LAMA1: variants seen among roughly 807,000 people sequenced by gnomAD.
LAMA1 encodes laminin subunit alpha 1, also known as laminin subunit alpha-1.
Under a neutral mutation model 348.7 loss-of-function variants are expected in LAMA1, and 219 were observed. The ratio of observed to expected loss-of-function variants is 0.63; its 90% CI spans 0.56 to 0.70. LAMA1 has a LOEUF of 0.70. Ranked by LOEUF, LAMA1 falls within the 30% of genes least tolerant of loss-of-function variation. The probability of loss-of-function intolerance (pLI) is 0.00; values close to 1 mark genes in which losing one functional copy is unlikely to be tolerated. For missense variants in LAMA1, 3,744 were observed against 3,888.0 expected (o/e 0.96, Z 0.99); for synonymous variants, 1,487 against 1,491.0 (o/e 1.00, Z 0.06).
At chr18:7,061,915 T>C (rs2058103294) in intron 3 of LAMA1, among the ~76,000 whole-genome samples, 1 of 152,030 alleles carries the variant, frequency 6.6e-6, no homozygotes, top group South Asian at 2.1e-4. Context: ...CACTGTGCCC[T>C]GGGGGAGAGA....
intron 46 of LAMA1, 118 bp downstream of exon 46, chr18:6,974,785 G>A: frequency 1.5e-6 from 2 of 1,316,096 alleles, no homozygotes; most frequent in Non-Finnish European, 2.2e-6. Flanking sequence ...AGTATTGTTT[G>A]GTTATAATCT....
At chr18:7,055,189 G>T (rs964845710) in intron 3 of LAMA1, among the ~76,000 whole-genome samples, 1 of 151,782 alleles carries the variant, frequency 6.6e-6, no homozygotes, top group African/African-American at 2.4e-5. Context: ...GGTGGCTCAT[G>T]CCTGGAATCC....
intron 1 of LAMA1, among the ~76,000 whole-genome samples, chr18:7,086,032 A>G (rs372794593): frequency 1.3e-5 from 2 of 152,210 alleles, no homozygotes; most frequent in Admixed American, 6.5e-5. Flanking sequence ...ATTCAGTAAC[A>G]TATCTATGAT....
rs913924742 is a variant in LAMA1, at chr18:7,021,386, G to A, written c.2701+1778C>T. Among the ~76,000 whole-genome samples, 8 of 152,086 alleles carry A rather than the reference G, an allele frequency of 5.3e-5. No individual in the cohort carries two copies. In the South Asian group the frequency reaches 1.2e-3, roughly 24 times the overall value. On this transcript the variant is annotated intron_variant, in intron 19 of 62. Transcript: ENST00000389658. Reference sequence around the variant, plus strand: ...TGAGTTTAAATTTAAATACTGAAGCGGTTTTGTCAATGTGGATGCCAATAT... The same window carrying A: ...TGAGTTTAAATTTAAATACTGAAGCAGTTTTGTCAATGTGGATGCCAATAT...
chr18:6,968,193 C>T (rs530177487), intron 48 of LAMA1, among the ~76,000 whole-genome samples: 39 of 152,300 alleles, frequency 2.6e-4, no homozygotes, highest in Non-Finnish European at 1.3e-4. Flanking sequence ...CACCATCACC[C>T]GCAGGTTCAA....
At chr18:6,965,520 A>C in intron 49 of LAMA1, 88 bp from the exon 50 acceptor site, 1 of 1,481,394 alleles carries the variant, frequency 6.8e-7, no homozygotes, top group South Asian at 1.1e-5. Context: ...GAAACCTTCT[A>C]AAGTCAAACT....
intron 3 of LAMA1, among the ~76,000 whole-genome samples, chr18:7,056,948 T>A (rs547856511): frequency 1.3e-5 from 2 of 152,084 alleles, no homozygotes; most frequent in South Asian, 4.2e-4. Flanking sequence ...CTTGGCTCAC[T>A]GCAACCTCCG....
At chr18:7,049,801 T>C (rs2058055630) in intron 4 of LAMA1, among the ~76,000 whole-genome samples, 2 of 152,238 alleles carry the variant, frequency 1.3e-5, no homozygotes, top group African/African-American at 4.8e-5. Context: ...GTCTCAGATA[T>C]ACTATATACT....
intron 16 of LAMA1, among the ~76,000 whole-genome samples, chr18:7,028,791 C>A (rs868345300): frequency 2.6e-5 from 4 of 152,146 alleles, no homozygotes; most frequent in African/African-American, 9.7e-5. Context: ...GGGAGGGGTG[C>A]GGAGGTCGGC....
chr18:6,977,634 C>T (rs377316800), intron 44 of LAMA1, 93 bp downstream of exon 44: 16 of 1,454,764 alleles, frequency 1.1e-5, no homozygotes, highest in Admixed American at 1.8e-5. Flanking sequence ...CCCTAAGGGG[C>T]GCAGTGTGAC....
At chr18:7,105,572 A>T (rs1408734320) in intron 1 of LAMA1, among the ~76,000 whole-genome samples, 1 of 152,236 alleles carries the variant, frequency 6.6e-6, no homozygotes, top group Non-Finnish European at 1.5e-5. Flanking sequence ...AGAGGAGATC[A>T]GCAGGTTGTA....
intron 3 of LAMA1, 26 bp downstream of exon 3, chr18:7,079,949 T>C (rs772109767): frequency 7.9e-6 from 12 of 1,523,540 alleles, no homozygotes; most frequent in Admixed American, 1.7e-5. Context: ...CTGTAGACAC[T>C]CTTCAATGGT....
rs768959834 is a variant in LAMA1 at position 7,046,333 on chromosome 18, C to T, written c.803G>A (p.Gly268Asp). 1 of 1,610,214 alleles carries T rather than the reference C, an allele frequency of 6.2e-7. No individual in the cohort carries two copies. Among genetic ancestry groups the T allele is most frequent in the South Asian group, 1.1e-5 (1 of 90,552 alleles). ...YYSIKDISVG[G>D]MCICYGHASS... ...AGCATGGCCATAGCAGATACACATG[C>T]CTCCAACAGAAATGTCCTTTATTGA... The change falls in exon 6 of 63, where the codon GGC becomes GAC. Residue 268 changes from glycine (G) to aspartate (D), a missense_variant. Physicochemically the swap from Gly to Asp is moderately conservative, Grantham distance 94. This residue lies in a region of LAMA1 where 1,529 missense variants were observed against 1,689.4 expected (regional missense o/e 0.91). Transcript: ENST00000389658.
At chr18:7,067,051 A>C (rs1432479909) in intron 3 of LAMA1, among the ~76,000 whole-genome samples, 1 of 152,232 alleles carries the variant, frequency 6.6e-6, no homozygotes, top group Non-Finnish European at 1.5e-5. Flanking sequence ...TCTTCCATTA[A>C]AAATTATTAC....
chr18:7,037,235 G>A (rs1387987671), intron 12 of LAMA1, among the ~76,000 whole-genome samples: 1 of 152,136 alleles, frequency 6.6e-6, no homozygotes, highest in Admixed American at 6.6e-5. Flanking sequence ...TCTAAGCTGA[G>A]CCTATGGCAA....
intron 1 of LAMA1, among the ~76,000 whole-genome samples, chr18:7,089,170 G>A (rs575688163): frequency 6.6e-6 from 1 of 152,188 alleles, no homozygotes; most frequent in East Asian, 1.9e-4. Context: ...CTTGAGGTCA[G>A]GAGTTCGAGA....
intron 10 of LAMA1, among the ~76,000 whole-genome samples, chr18:7,039,583 G>A (rs1012861464): frequency 3.9e-5 from 6 of 152,108 alleles, no homozygotes; most frequent in Non-Finnish European, 5.9e-5. Flanking sequence ...TTAAGCTAGG[G>A]GTCAACAGCA....
At chr18:7,022,954 T>C (rs940917647) in intron 19 of LAMA1, among the ~76,000 whole-genome samples, 1 of 152,156 alleles carries the variant, frequency 6.6e-6, no homozygotes, top group Non-Finnish European at 1.5e-5. Context: ...CTGACCCCTA[T>C]GGGTTATGAC....
chr18:6,966,548 CAGG>C (rs771023504), intron 48 of LAMA1, among the ~76,000 whole-genome samples: 22 of 152,266 alleles, frequency 1.4e-4, no homozygotes, highest in Middle Eastern at 3.4e-3. Context: ...CATTTCTTTA[CAGG>C]AGGATAACTG....
Sources: allele counts gnomAD v4.1 joint callset (sites outside exome capture counted in the v4.1 genomes callset), GRCh38; gene constraint gnomAD v4.1.1; regional missense constraint gnomAD v4.1.1; transcripts MANE v1.5; gene names NCBI Gene and HGNC (gene_info 2026-07-23, HGNC 2026-07-21).